CSMD1: variants seen among roughly 807,000 people sequenced by gnomAD.
CSMD1 encodes CUB and sushi domain-containing protein 1.
Under a neutral mutation model 417.5 loss-of-function variants are expected in CSMD1, and 213 were observed. The observed-to-expected ratio is 0.51, with a 90% CI of 0.46 to 0.57. The LOEUF (loss-of-function observed/expected upper bound fraction) is 0.57, where lower values mean the gene tolerates loss of function less well. CSMD1 is among the 20% of genes least tolerant of loss of function. CSMD1 has a pLI of 0.00. For synonymous variants in CSMD1, 2,862 were observed against 1,736.8 expected, an observed-to-expected ratio of 1.65 and a Z score of -16.11; for missense variants, 6,923 against 4,529.7, an observed-to-expected ratio of 1.53 and a Z score of -15.17.
chr8:2,993,961 T>C (rs1806636153), intron 54 of CSMD1, among the ~76,000 whole-genome samples: 1 of 147,824 alleles, frequency 6.8e-6, no homozygotes, highest in African/African-American at 2.5e-5. Flanking sequence ...CTGACCCACA[T>C]GGTGAAACCC....
chr8:3,488,602 C>T (rs1424422089), intron 11 of CSMD1, among the ~76,000 whole-genome samples: 2 of 152,156 alleles, frequency 1.3e-5, no homozygotes, highest in East Asian at 3.8e-4. Context: ...CTCCTCAAGG[C>T]TAGGACAATG....
chr8:3,976,987 T>A (rs751807162), intron 5 of CSMD1, among the ~76,000 whole-genome samples: 2 of 152,172 alleles, frequency 1.3e-5, no homozygotes, highest in Non-Finnish European at 2.9e-5. Flanking sequence ...TAGGTATTAG[T>A]GTGCAGTGGG....
At chr8:4,142,418 C>A (rs1335364749) in intron 3 of CSMD1, among the ~76,000 whole-genome samples, 1 of 150,984 alleles carries the variant, frequency 6.6e-6, no homozygotes, top group Non-Finnish European at 1.5e-5. Flanking sequence ...ATATTTCTGC[C>A]TGCTACCATA....
chr8:3,649,071 T>C (rs1797718411), intron 7 of CSMD1, among the ~76,000 whole-genome samples: 2 of 152,176 alleles, frequency 1.3e-5, no homozygotes, highest in Non-Finnish European at 2.9e-5. Context: ...CCCAGGGTTT[T>C]TTCTGGTCTT....
intron 5 of CSMD1, among the ~76,000 whole-genome samples, chr8:3,806,877 GTAGT>G (rs1800770063): frequency 6.6e-6 from 1 of 152,140 alleles, no homozygotes; most frequent in African/African-American, 2.4e-5. Flanking sequence ...CCAATTAACA[GTAGT>G]TAGAGACTTA....
chr8:4,312,809 G>T (rs1311098597), intron 3 of CSMD1, among the ~76,000 whole-genome samples: 1 of 152,100 alleles, frequency 6.6e-6, no homozygotes, highest in Non-Finnish European at 1.5e-5. Flanking sequence ...GGGTGGTGGA[G>T]GTTGCAGTTA....
intron 16 of CSMD1, among the ~76,000 whole-genome samples, chr8:3,397,816 G>A (rs1047495377): frequency 6.6e-6 from 1 of 152,158 alleles, no homozygotes; most frequent in Non-Finnish European, 1.5e-5. Context: ...GTTCTTTGCT[G>A]TTGGGCAGCC....
intron 12 of CSMD1, among the ~76,000 whole-genome samples, chr8:3,457,494 A>C (rs1816228638): frequency 6.6e-6 from 1 of 152,210 alleles, no homozygotes; most frequent in South Asian, 2.1e-4. Context: ...AAAGAAACGC[A>C]TTGGAGCTGA....
chr8:4,597,028 T>C (rs1476959369), intron 2 of CSMD1, among the ~76,000 whole-genome samples: 1 of 152,188 alleles, frequency 6.6e-6, no homozygotes, highest in Non-Finnish European at 1.5e-5. Context: ...TGTAGAACTG[T>C]AAGATCAATT....
At chr8:4,755,637 A>G (rs910397268) in intron 1 of CSMD1, among the ~76,000 whole-genome samples, 1 of 152,196 alleles carries the variant, frequency 6.6e-6, no homozygotes, top group East Asian at 1.9e-4. Flanking sequence ...AGCCCCCAGA[A>G]TCTGCCAAAC....
At chr8:4,649,174 G>C (rs2724999) in intron 1 of CSMD1, among the ~76,000 whole-genome samples, 89,124 of 151,894 alleles carry the variant, frequency 0.59, 26,423 homozygotes, top group Admixed American at 0.69. Flanking sequence ...CATGAAGGCA[G>C]ATACCTTTAT....
chr8:4,703,720 A>T (rs1190368684), intron 1 of CSMD1, among the ~76,000 whole-genome samples: 4 of 152,176 alleles, frequency 2.6e-5, no homozygotes, highest in Non-Finnish European at 5.9e-5. Flanking sequence ...ATTTTCTTTA[A>T]AAAAAATCTT....
At chr8:4,258,815 C>A (rs1387283111) in intron 3 of CSMD1, among the ~76,000 whole-genome samples, 12 of 152,094 alleles carry the variant, frequency 7.9e-5, no homozygotes, top group Non-Finnish European at 1.8e-4. Context: ...AAGGGCACAG[C>A]AGCAGAAAGA....
intron 26 of CSMD1, among the ~76,000 whole-genome samples, chr8:3,251,560 T>C (rs1219529009): frequency 6.6e-6 from 1 of 152,176 alleles, no homozygotes; most frequent in Non-Finnish European, 1.5e-5. Context: ...CTTTTTTGGT[T>C]CCATATGAAC....
At chr8:3,719,973 C>T (rs2129044104) in intron 6 of CSMD1, among the ~76,000 whole-genome samples, 1 of 152,310 alleles carries the variant, frequency 6.6e-6, no homozygotes, top group South Asian at 2.1e-4. Flanking sequence ...ACCTGACCCT[C>T]AGAGCTGTGG....
chr8:4,955,385 T>A (rs749933705), intron 1 of CSMD1, among the ~76,000 whole-genome samples: 1 of 152,100 alleles, frequency 6.6e-6, no homozygotes, highest in Non-Finnish European at 1.5e-5. Flanking sequence ...GTGTCTTTCA[T>A]GTGTTGAGAT....
intron 11 of CSMD1, among the ~76,000 whole-genome samples, chr8:3,479,548 G>C (rs992418625): frequency 2.0e-5 from 3 of 152,194 alleles, no homozygotes; most frequent in Non-Finnish European, 2.9e-5. Context: ...CCAAAGTGCT[G>C]GGATTACAGG....
intron 68 of CSMD1, among the ~76,000 whole-genome samples, chr8:2,946,967 G>A (rs1454281319): frequency 6.6e-6 from 1 of 152,134 alleles, no homozygotes; most frequent in Non-Finnish European, 1.5e-5. Context: ...GCATTTCCCT[G>A]ATAATGATTA....
chr8:4,100,520 G>A (rs1008587424), intron 3 of CSMD1, among the ~76,000 whole-genome samples: 2 of 152,134 alleles, frequency 1.3e-5, no homozygotes, highest in Non-Finnish European at 2.9e-5. Flanking sequence ...TTAAAAATGG[G>A]TATCTTATAG....
Sources: gnomAD v4.1 joint callset for allele counts (sites outside exome capture counted in the v4.1 genomes callset) on GRCh38, gnomAD v4.1.1 for gene constraint, MANE v1.5 for transcripts, NCBI Gene and HGNC (gene_info 2026-07-23, HGNC 2026-07-21) for gene names.